Variants in PAK5 observed in about 807,000 individuals in gnomAD.
PAK5 encodes serine/threonine-protein kinase PAK 5.
In PAK5, 16 loss-of-function variants were observed where a neutral mutation model predicts 65.9. That is an observed-to-expected ratio of 0.24 (90% CI 0.16 to 0.37). PAK5 has a LOEUF of 0.37. PAK5 is among the 10% of genes least tolerant of loss of function. The pLI is 1.00. For missense variants in PAK5, 785 were observed against 903.9 expected (o/e 0.87, Z 1.69); for synonymous variants, 371 against 354.9 (o/e 1.05, Z -0.51).
chr20:9,628,609 G>A (rs1304211654), intron 3 of PAK5, among the ~76,000 whole-genome samples: 1 of 152,138 alleles, frequency 6.6e-6, no homozygotes, highest in South Asian at 2.1e-4. Context: ...TGAAGGTGAA[G>A]ACCAAATACT....
intron 1 of PAK5, among the ~76,000 whole-genome samples, chr20:9,825,956 A>T (rs2049479033): frequency 6.6e-6 from 1 of 152,198 alleles, no homozygotes; most frequent in Non-Finnish European, 1.5e-5. Flanking sequence ...TACATTCAAG[A>T]CTTTAATGAC....
At chr20:9,739,362 A>G (rs2048426144) in intron 1 of PAK5, among the ~76,000 whole-genome samples, 2 of 151,872 alleles carry the variant, frequency 1.3e-5, no homozygotes, top group South Asian at 2.1e-4. Flanking sequence ...CTCTCTTGTT[A>G]TACAGAGATA....
At chr20:9,787,442 T>C (rs1365817599) in intron 1 of PAK5, among the ~76,000 whole-genome samples, 4 of 152,200 alleles carry the variant, frequency 2.6e-5, no homozygotes, top group Non-Finnish European at 5.9e-5. Context: ...TTTTAAATTA[T>C]ATCCCAATAC....
chr20:9,749,794 G>A (rs1569072091), intron 1 of PAK5, among the ~76,000 whole-genome samples: 1 of 152,192 alleles, frequency 6.6e-6, no homozygotes, highest in Non-Finnish European at 1.5e-5. Flanking sequence ...TTATGTGAGA[G>A]AAGCATCAGC....
At chr20:9,797,610 C>T (rs1318691373) in intron 1 of PAK5, among the ~76,000 whole-genome samples, 1 of 150,256 alleles carries the variant, frequency 6.7e-6, no homozygotes, top group South Asian at 2.1e-4. Context: ...CAAACTTGCC[C>T]GTTGTGCACA....
intron 2 of PAK5, among the ~76,000 whole-genome samples, chr20:9,646,728 G>A (rs758878686): frequency 6.6e-6 from 1 of 152,136 alleles, no homozygotes; most frequent in Non-Finnish European, 1.5e-5. Flanking sequence ...ACACCAATAC[G>A]CACTGTGCCT....
intron 7 of PAK5, 80 bp downstream of exon 7, chr20:9,557,528 A>T (rs1199468960): frequency 8.4e-7 from 1 of 1,185,048 alleles, no homozygotes; most frequent in East Asian, 2.6e-5. Flanking sequence ...AGTTATAAAA[A>T]AGTGTTTCTA....
chr20:9,732,567 T>C (rs977504659), intron 1 of PAK5, among the ~76,000 whole-genome samples: 1 of 152,200 alleles, frequency 6.6e-6, no homozygotes, highest in African/African-American at 2.4e-5. Flanking sequence ...TGTGATAAAA[T>C]AAACTCATGT....
rs148736487 is a variant in PAK5, at chr20:9,744,872, T to C, written c.-161-33437A>G. ...CATGCTACTATGATTTGGTTCCTGC[T>C]CTGTGGTTTCAGCAAAATCAGCTCA... On this transcript the variant is annotated intron_variant, in intron 1 of 9. Coordinates refer to ENST00000353224, the MANE Select transcript of PAK5 (RefSeq NM_177990.4). 1.5e-3 allele frequency among the ~76,000 whole-genome samples: 234 copies of C among 152,304 alleles called. 2 individuals are homozygous for C. Among genetic ancestry groups the C allele is most frequent in the African/African-American group, 5.5e-3 (230 of 41,576 alleles).
chr20:9,800,803 T>A (rs2049160337), intron 1 of PAK5, among the ~76,000 whole-genome samples: 1 of 151,780 alleles, frequency 6.6e-6, no homozygotes, highest in African/African-American at 2.4e-5. Flanking sequence ...CATGACTAAC[T>A]GGCCTCTCTC....
At chr20:9,553,621 G>A (rs2045464376) in intron 7 of PAK5, among the ~76,000 whole-genome samples, 1 of 151,958 alleles carries the variant, frequency 6.6e-6, no homozygotes, top group South Asian at 2.1e-4. Flanking sequence ...TTTTGAGATT[G>A]GTGTTTTCTC....
intron 1 of PAK5, among the ~76,000 whole-genome samples, chr20:9,836,492 T>C (rs372615643): frequency 3.9e-5 from 6 of 152,322 alleles, no homozygotes; most frequent in African/African-American, 1.4e-4. Context: ...AACCAGGGAA[T>C]GCCTGGGGCT....
At chr20:9,775,676 A>C (rs2048880188) in intron 1 of PAK5, among the ~76,000 whole-genome samples, 1 of 152,222 alleles carries the variant, frequency 6.6e-6, no homozygotes, top group African/African-American at 2.4e-5. Context: ...GCTTTTTACT[A>C]GTAGATCAAA....
At chr20:9,581,207 C>G (rs2045974822) in intron 3 of PAK5, among the ~76,000 whole-genome samples, 1 of 152,138 alleles carries the variant, frequency 6.6e-6, no homozygotes, top group African/African-American at 2.4e-5. Flanking sequence ...TAGAATATAA[C>G]TGTTTTATTT....
intron 8 of PAK5, 49 bp downstream of exon 8, chr20:9,544,320 C>A: frequency 6.3e-7 from 1 of 1,598,212 alleles, no homozygotes; most frequent in South Asian, 1.1e-5. Flanking sequence ...CCAATGGGTC[C>A]CTGAGCCTGT....
intron 3 of PAK5, among the ~76,000 whole-genome samples, chr20:9,639,654 T>C (rs1235295509): frequency 6.6e-6 from 1 of 152,252 alleles, no homozygotes; most frequent in Non-Finnish European, 1.5e-5. Context: ...ATAACTAATA[T>C]TTTAGTCTTT....
At chr20:9,725,371 C>A (rs1484329275) in intron 1 of PAK5, among the ~76,000 whole-genome samples, 1 of 152,000 alleles carries the variant, frequency 6.6e-6, no homozygotes, top group Non-Finnish European at 1.5e-5. Context: ...GCTTTGATTG[C>A]ATAAAAATAA....
At chr20:9,626,300 A>C (rs2046842569) in intron 3 of PAK5, among the ~76,000 whole-genome samples, 1 of 152,276 alleles carries the variant, frequency 6.6e-6, no homozygotes, top group Admixed American at 6.5e-5. Context: ...TCTTGCTGTC[A>C]AAAGGAAACT....
Position 9,620,959 on chromosome 20 carries a change from A to AAGAG in PAK5, c.204+23162_204+23165dup, listed in dbSNP as rs71803029. On this transcript the variant is annotated intron_variant, in intron 3 of 9. Coordinates refer to ENST00000353224, the MANE Select transcript of PAK5 (RefSeq NM_177990.4). Reference sequence around the variant, plus strand: ...CAGCAGCCAGAGAAAGAGAGAGAGAAAGAGAGAGAGAGAGAGAGAGAGAGA... The same window carrying AAGAG: ...CAGCAGCCAGAGAAAGAGAGAGAGAAAGAGAGAGAGAGAGAGAGAGAGAGAGAGA... 2.0e-4 allele frequency among the ~76,000 whole-genome samples: 29 copies of AAGAG among 147,154 alleles called. 1 individual carries two copies. Among genetic ancestry groups the AAGAG allele is most frequent in the African/African-American group, 5.0e-4 (20 of 39,940 alleles).
Sources: allele counts gnomAD v4.1 joint callset (sites outside exome capture counted in the v4.1 genomes callset), GRCh38; gene constraint gnomAD v4.1.1; transcripts MANE v1.5; gene names NCBI Gene and HGNC (gene_info 2026-07-23, HGNC 2026-07-21).